Variants in MYT1L observed in about 807,000 individuals in gnomAD.
MYT1L encodes the protein myelin transcription factor 1 like.
Under a neutral mutation model 126.7 loss-of-function variants are expected in MYT1L, and 12 were observed. The ratio of observed to expected loss-of-function variants is 0.09; its 90% CI spans 0.06 to 0.15. MYT1L has a LOEUF of 0.15. Ranked by LOEUF, MYT1L falls within the 10% of genes least tolerant of loss-of-function variation. MYT1L has a pLI of 1.00. For synonymous variants in MYT1L, 541 were observed against 604.2 expected (o/e 0.90, Z 1.53); for missense variants, 979 against 1,585.2 (o/e 0.62, Z 6.49).
At chr2:2,060,649 G>A (rs1256159117) in intron 3 of MYT1L, among the ~76,000 whole-genome samples, 1 of 150,780 alleles carries the variant, frequency 6.6e-6, no homozygotes, top group Admixed American at 6.6e-5. Flanking sequence ...TTCTCTCGCT[G>A]TCTCTCTCCC....
At chr2:1,958,294 G>A (rs1451941696) in intron 8 of MYT1L, among the ~76,000 whole-genome samples, 1 of 151,802 alleles carries the variant, frequency 6.6e-6, no homozygotes. Context: ...GGAGGATGAG[G>A]AGGTGGCTAC....
At chr2:2,133,212 A>C (rs1267001038) in intron 3 of MYT1L, among the ~76,000 whole-genome samples, 1 of 152,198 alleles carries the variant, frequency 6.6e-6, no homozygotes, top group Non-Finnish European at 1.5e-5. Flanking sequence ...ACAGGACGGC[A>C]GTGTAAAGCG....
intron 4 of MYT1L, among the ~76,000 whole-genome samples, chr2:2,036,778 T>C (rs1441614297): frequency 6.6e-6 from 1 of 152,198 alleles, no homozygotes; most frequent in Non-Finnish European, 1.5e-5. Context: ...GGCATTCAAA[T>C]CTCCAATCTG....
At chr2:2,277,119 C>A (rs778421667) in intron 2 of MYT1L, among the ~76,000 whole-genome samples, 4 of 152,042 alleles carry the variant, frequency 2.6e-5, no homozygotes, top group Non-Finnish European at 4.4e-5. Flanking sequence ...GTAGCTGGGA[C>A]CACAGGCACC....
chr2:2,296,506 A>G (rs1352139845), intron 1 of MYT1L, among the ~76,000 whole-genome samples: 1 of 152,176 alleles, frequency 6.6e-6, no homozygotes, highest in Non-Finnish European at 1.5e-5. Flanking sequence ...TGGGCATGGT[A>G]TATGCTTTTT....
At chr2:1,898,496 T>C (rs1054822096) in intron 14 of MYT1L, among the ~76,000 whole-genome samples, 4 of 152,206 alleles carry the variant, frequency 2.6e-5, no homozygotes, top group African/African-American at 9.6e-5. Context: ...GGTTTCAGGC[T>C]CTCTTTTCCT....
chr2:2,232,737 A>C (rs1341980203), intron 2 of MYT1L, among the ~76,000 whole-genome samples: 1 of 152,206 alleles, frequency 6.6e-6, no homozygotes, highest in Non-Finnish European at 1.5e-5. Flanking sequence ...GATGATATAC[A>C]TTTGAAACAG....
chr2:2,274,304 A>G (rs530540737), intron 2 of MYT1L, among the ~76,000 whole-genome samples: 6 of 151,214 alleles, frequency 4.0e-5, no homozygotes, highest in African/African-American at 9.7e-5. Context: ...AAAGAAAGGA[A>G]AGAAGGAAGG....
At chr2:2,288,029 G>C (rs2095548303) in intron 1 of MYT1L, among the ~76,000 whole-genome samples, 1 of 152,018 alleles carries the variant, frequency 6.6e-6, no homozygotes, top group South Asian at 2.1e-4. Context: ...ACAGACATCA[G>C]ATTTATCCCT....
chr2:1,923,414 TG>T (rs2053828939), intron 9 of MYT1L, among the ~76,000 whole-genome samples, 151 bp from the exon 10 acceptor site: 1 of 152,196 alleles, frequency 6.6e-6, no homozygotes, highest in South Asian at 2.1e-4. Context: ...GCAGCTGGGT[TG>T]AAAAAGTTGA....
chr2:2,300,703 G>A (rs2095768976), intron 1 of MYT1L, among the ~76,000 whole-genome samples: 1 of 152,260 alleles, frequency 6.6e-6, no homozygotes, highest in East Asian at 1.9e-4. Flanking sequence ...GGGAGGAGAG[G>A]GGAAGTGGAC....
At chr2:2,163,788 G>C (rs1270562059) in intron 3 of MYT1L, among the ~76,000 whole-genome samples, 1 of 151,596 alleles carries the variant, frequency 6.6e-6, no homozygotes, top group African/African-American at 2.4e-5. Flanking sequence ...AAAAGACTTC[G>C]ACCTCCTGTG....
chr2:2,172,692 C>T (rs1200191567), intron 3 of MYT1L, among the ~76,000 whole-genome samples, 180 bp downstream of exon 3: 1 of 151,278 alleles, frequency 6.6e-6, no homozygotes, highest in African/African-American at 2.4e-5. Flanking sequence ...CGCCAGGAGC[C>T]CCGTGCTGGG....
At chr2:2,217,685 C>CAAAAAAAAAAAAAAAAAAAAA (rs1167910803) in intron 2 of MYT1L, among the ~76,000 whole-genome samples, 6 of 79,660 alleles carry the variant, frequency 7.5e-5, no homozygotes, top group Non-Finnish European at 1.2e-4. Context: ...ACAACAACAA[C>CAAAAAAAAAAAAAAAAAAAAA]AACAACAACA....
intron 19 of MYT1L, among the ~76,000 whole-genome samples, chr2:1,847,191 C>T (rs564783078): frequency 3.3e-5 from 5 of 152,302 alleles, no homozygotes; most frequent in Admixed American, 6.5e-5. Context: ...TCTGTGCCCG[C>T]GCATCTTCAT....
intron 3 of MYT1L, among the ~76,000 whole-genome samples, chr2:2,118,821 CA>C (rs1248805384): frequency 6.6e-6 from 1 of 152,194 alleles, no homozygotes; most frequent in Non-Finnish European, 1.5e-5. Context: ...AAGAAAACAT[CA>C]AGTACATTCT....
intron 3 of MYT1L, among the ~76,000 whole-genome samples, chr2:2,163,971 T>C (rs985364535): frequency 2.0e-5 from 3 of 152,164 alleles, no homozygotes; most frequent in Non-Finnish European, 2.9e-5. Context: ...TATTCATGCA[T>C]GTTTCTTGTA....
intron 3 of MYT1L, among the ~76,000 whole-genome samples, chr2:2,094,587 T>C (rs1008495755): frequency 6.6e-5 from 10 of 152,282 alleles, no homozygotes; most frequent in South Asian, 2.1e-4. Context: ...GAATACTATG[T>C]GGCCATAAAA....
intron 8 of MYT1L, among the ~76,000 whole-genome samples, chr2:1,950,442 C>G (rs892503257): frequency 6.6e-6 from 1 of 152,092 alleles, no homozygotes; most frequent in African/African-American, 2.4e-5. Flanking sequence ...CATGGGACAC[C>G]GAGACACAGT....
Sources: gnomAD v4.1 joint callset for allele counts (sites outside exome capture counted in the v4.1 genomes callset) on GRCh38, gnomAD v4.1.1 for gene constraint, MANE v1.5 for transcripts, NCBI Gene and HGNC (gene_info 2026-07-23, HGNC 2026-07-21) for gene names.